EFNA5: variants seen among roughly 807,000 people sequenced by gnomAD.
EFNA5 encodes ephrin A5.
A neutral mutation model predicts 22.9 loss-of-function variants in EFNA5; 5 were observed. The observed-to-expected ratio is 0.22, with a 90% CI of 0.11 to 0.46. The LOEUF (loss-of-function observed/expected upper bound fraction) is 0.46, where lower values mean the gene tolerates loss of function less well. Among genes scored for constraint, EFNA5 ranks in the 20% least tolerant of loss-of-function variants. The pLI is 0.99. For missense variants in EFNA5, 237 were observed against 293.3 expected (o/e 0.81, Z 1.40); for synonymous variants, 113 against 112.2 (o/e 1.01, Z -0.04).
intron 1 of EFNA5, among the ~76,000 whole-genome samples, chr5:107,613,775 C>A (rs1260825618): frequency 6.6e-6 from 1 of 152,068 alleles, no homozygotes; most frequent in South Asian, 2.1e-4. Context: ...AAATCTTCTT[C>A]TGACACTAAA....
At chr5:107,574,612 A>G (rs1365087726) in intron 1 of EFNA5, among the ~76,000 whole-genome samples, 1 of 152,202 alleles carries the variant, frequency 6.6e-6, no homozygotes, top group Non-Finnish European at 1.5e-5. Context: ...AGTTTCCTTC[A>G]CAAATGTCTA....
At chr5:107,536,362 C>T (rs1747928825) in intron 1 of EFNA5, among the ~76,000 whole-genome samples, 1 of 152,146 alleles carries the variant, frequency 6.6e-6, no homozygotes, top group Non-Finnish European at 1.5e-5. Flanking sequence ...TCTTTAGCAA[C>T]TCAGGTGATT....
chr5:107,646,635 AG>A (rs1367169376), intron 1 of EFNA5, among the ~76,000 whole-genome samples: 1 of 152,172 alleles, frequency 6.6e-6, no homozygotes, highest in Non-Finnish European at 1.5e-5. Context: ...TGAGACAGAA[AG>A]GGTCACACAT....
In EFNA5 at chr5:107,379,733, T is replaced by TC. The variant is rs1747381526; in HGVS notation, c.*1521dup. On this transcript the variant is annotated 3_prime_UTR_variant, in exon 5 of 5. Transcript: ENST00000333274. ...TGCTAAGATTCCTTCAACAGGGTCATCCTGCATTTATTCTCCTTCTGCCCC... is the reference window on the plus strand; with the variant it reads ...TGCTAAGATTCCTTCAACAGGGTCATCCCTGCATTTATTCTCCTTCTGCCCC... 1 of 152,088 alleles carries TC rather than the reference T, an allele frequency of 6.6e-6. No individual in the cohort carries two copies. The highest frequency in any genetic ancestry group is 2.4e-5 in the African/African-American group (1 of 41,398). The allele number at this position is 152,088 out of a possible 1,614,324, so 9.4% of individuals were successfully genotyped here. A position where few individuals can be genotyped will look rare whatever the true frequency, so the allele number is the denominator to read the frequency against.
chr5:107,624,777 T>C (rs1244926016), intron 1 of EFNA5, among the ~76,000 whole-genome samples: 1 of 152,118 alleles, frequency 6.6e-6, no homozygotes, highest in African/African-American at 2.4e-5. Context: ...ACATATATAA[T>C]AGTCCCAAAA....
At chr5:107,480,390 C>A (rs946086642) in intron 1 of EFNA5, among the ~76,000 whole-genome samples, 1 of 152,194 alleles carries the variant, frequency 6.6e-6, no homozygotes, top group African/African-American at 2.4e-5. Context: ...ATCAAAGATG[C>A]TCTCTGCTTC....
intron 1 of EFNA5, among the ~76,000 whole-genome samples, chr5:107,494,687 TTA>T (rs1746924653): frequency 6.6e-6 from 1 of 152,216 alleles, no homozygotes; most frequent in African/African-American, 2.4e-5. Flanking sequence ...TGGAGAACCT[TTA>T]TGTCTCTAGC....
At position 107,599,849 on chromosome 5, in the gene EFNA5, C is replaced by T. The variant is rs1383402866; in HGVS notation, c.125+70640G>A. Among the ~76,000 whole-genome samples the T allele has an allele frequency of 5.3e-5, 8 of 152,170 alleles. No homozygotes were observed. The South Asian group carries it at 1.0e-3, about 20-fold the overall frequency. Reference sequence around the variant, plus strand: ...GCTCTCATTTTCAGAAATGCATCTCCGAGGCTGTGCCTTGCAGACACACAA... The same window carrying T: ...GCTCTCATTTTCAGAAATGCATCTCTGAGGCTGTGCCTTGCAGACACACAA... On this transcript the variant is annotated intron_variant, in intron 1 of 4. Transcript: ENST00000333274.
At chr5:107,512,099 T>A (rs1305144418) in intron 1 of EFNA5, among the ~76,000 whole-genome samples, 2 of 152,164 alleles carry the variant, frequency 1.3e-5, no homozygotes, top group Non-Finnish European at 2.9e-5. Context: ...AAATAGAAAG[T>A]CAAAAGAGAC....
intron 1 of EFNA5, among the ~76,000 whole-genome samples, chr5:107,476,057 T>TATATATATATATATATATATATATATG: frequency 5.0e-5 from 5 of 100,422 alleles, no homozygotes; most frequent in Non-Finnish European, 7.4e-5. Flanking sequence ...TATATATATA[T>TATATATATATATATATATATATATATG]TTTTTTTTTT....
intron 1 of EFNA5, among the ~76,000 whole-genome samples, chr5:107,482,875 T>C (rs1464773199): frequency 2.7e-5 from 1 of 37,608 alleles, no homozygotes; most frequent in Non-Finnish European, 5.7e-5. Flanking sequence ...TCTCTCTATA[T>C]ATATATATAT....
intron 1 of EFNA5, among the ~76,000 whole-genome samples, chr5:107,587,641 T>C (rs12515248): frequency 0.22 from 32,761 of 152,014 alleles, 4,831 homozygotes; most frequent in African/African-American, 0.42. Flanking sequence ...CTCAGCCTCC[T>C]GAATAGCTGG....
intron 2 of EFNA5, among the ~76,000 whole-genome samples, chr5:107,423,413 TA>T (rs11484483): frequency 4.1e-4 from 59 of 145,348 alleles, no homozygotes; most frequent in East Asian, 2.0e-3. Flanking sequence ...AAAGGAGTAT[TA>T]AAAAAAAAAA....
At chr5:107,491,331 C>G (rs1746800595) in intron 1 of EFNA5, among the ~76,000 whole-genome samples, 1 of 152,116 alleles carries the variant, frequency 6.6e-6, no homozygotes, top group Admixed American at 6.6e-5. Flanking sequence ...CCCTTCCTTC[C>G]ATGGAGTTCC....
At chr5:107,423,436 T>A (rs1010234461) in intron 2 of EFNA5, among the ~76,000 whole-genome samples, 1 of 149,438 alleles carries the variant, frequency 6.7e-6, no homozygotes, top group African/African-American at 2.5e-5. Flanking sequence ...AAGACAGGGT[T>A]TTGCTATGTT....
chr5:107,584,360 C>G (rs904739858), intron 1 of EFNA5, among the ~76,000 whole-genome samples: 5 of 152,148 alleles, frequency 3.3e-5, no homozygotes, highest in Non-Finnish European at 5.9e-5. Flanking sequence ...TGAAGATGAA[C>G]CCCATTTTGA....
chr5:107,475,327 C>A (rs529395358), intron 1 of EFNA5, among the ~76,000 whole-genome samples: 116 of 152,332 alleles, frequency 7.6e-4, no homozygotes, highest in African/African-American at 2.6e-3. Flanking sequence ...ACTTACCCAG[C>A]TATCAGTATC....
At chr5:107,414,529 C>T (rs1429782593) in intron 2 of EFNA5, among the ~76,000 whole-genome samples, 1 of 152,148 alleles carries the variant, frequency 6.6e-6, no homozygotes, top group African/African-American at 2.4e-5. Flanking sequence ...CACTGATGAA[C>T]TGCTTGACTA....
At chr5:107,637,330 A>G (rs1750393506) in intron 1 of EFNA5, among the ~76,000 whole-genome samples, 1 of 152,230 alleles carries the variant, frequency 6.6e-6, no homozygotes. Flanking sequence ...AATATTTAGA[A>G]TGACAAGAGA....
Sources: gnomAD v4.1 joint callset for allele counts (sites outside exome capture counted in the v4.1 genomes callset) on GRCh38, gnomAD v4.1.1 for gene constraint, MANE v1.5 for transcripts, NCBI Gene and HGNC (gene_info 2026-07-23, HGNC 2026-07-21) for gene names.